The following DTNA variants were observed in gnomAD, a reference collection of about 807,000 sequenced individuals.
The protein encoded by DTNA is dystrobrevin alpha, also known as dystrophin-related protein 3.
DTNA carries 43 observed loss-of-function variants against 100.7 expected under a neutral mutation model. That is an observed-to-expected ratio of 0.43 (90% CI 0.33 to 0.55). DTNA has a LOEUF of 0.55. DTNA is among the 20% of genes least tolerant of loss of function. The pLI, the probability that DTNA is intolerant of heterozygous loss-of-function variation, is 0.04. For synonymous variants in DTNA, 349 were observed against 347.9 expected, an observed-to-expected ratio of 1.00 and a Z score of -0.04; for missense variants, 798 against 953.9, an observed-to-expected ratio of 0.84 and a Z score of 2.15.
At chr18:34,783,699 A>G (rs549832060) in intron 3 of DTNA, among the ~76,000 whole-genome samples, 138 of 152,310 alleles carry the variant, frequency 9.1e-4, no homozygotes, top group African/African-American at 3.0e-3. Context: ...TCTGATTTCA[A>G]TGTTTGGTTA....
chr18:34,818,011 G>A, intron 7 of DTNA, 153 bp from the exon 8 acceptor site: 2 of 1,536,750 alleles, frequency 1.3e-6, no homozygotes, highest in Non-Finnish European at 1.7e-6. Flanking sequence ...TAAGATTCCA[G>A]GAATGAACTA....
At chr18:34,883,842 C>T (rs535099493) in intron 21 of DTNA, among the ~76,000 whole-genome samples, 3 of 152,286 alleles carry the variant, frequency 2.0e-5, no homozygotes, top group South Asian at 2.1e-4. Context: ...TTCAGTTTAA[C>T]GACCACATTT....
intron 9 of DTNA, among the ~76,000 whole-genome samples, chr18:34,826,201 GT>G (rs1307595268): frequency 6.6e-6 from 1 of 152,196 alleles, no homozygotes; most frequent in East Asian, 1.9e-4. Context: ...CTTGAAAAAA[GT>G]TTTGATGAAT....
chr18:34,609,474 C>T (rs1043405486), intron 1 of DTNA, among the ~76,000 whole-genome samples: 82 of 151,952 alleles, frequency 5.4e-4, no homozygotes, highest in African/African-American at 1.8e-3. Context: ...TCGATCTCCT[C>T]ATCTCGTGAT....
At chr18:34,770,579 G>A (rs903233857) in intron 3 of DTNA, among the ~76,000 whole-genome samples, 1 of 152,098 alleles carries the variant, frequency 6.6e-6, no homozygotes, top group Non-Finnish European at 1.5e-5. Flanking sequence ...TGTATGCTGA[G>A]AATAGTCAGT....
intron 1 of DTNA, among the ~76,000 whole-genome samples, chr18:34,704,481 A>T (rs2081866156): frequency 6.6e-6 from 1 of 152,210 alleles, no homozygotes; most frequent in Admixed American, 6.5e-5. Flanking sequence ...AACTCAGGGG[A>T]CACTGACTGG....
chr18:34,828,379 A>C (rs1408180926), intron 10 of DTNA, among the ~76,000 whole-genome samples: 2 of 152,204 alleles, frequency 1.3e-5, no homozygotes, highest in African/African-American at 4.8e-5. Context: ...ATACATGGAG[A>C]AGGCTCACGG....
At chr18:34,659,390 T>A (rs1212117636) in intron 1 of DTNA, among the ~76,000 whole-genome samples, 2 of 151,990 alleles carry the variant, frequency 1.3e-5, no homozygotes, top group Non-Finnish European at 2.9e-5. Flanking sequence ...ATTTTACACT[T>A]CCAACACATC....
chr18:34,524,381 A>G (rs770999689), intron 1 of DTNA, among the ~76,000 whole-genome samples: 5 of 152,142 alleles, frequency 3.3e-5, no homozygotes, highest in Non-Finnish European at 5.9e-5. Flanking sequence ...ATTGCTATTT[A>G]TATTTACCGT....
At chr18:34,763,324 A>G (rs975333652) in intron 2 of DTNA, among the ~76,000 whole-genome samples, 4 of 152,178 alleles carry the variant, frequency 2.6e-5, no homozygotes, top group African/African-American at 9.7e-5. Flanking sequence ...CCCACGAGTC[A>G]CATTTACAGA....
rs114001508 is a variant in DTNA at position 34,544,820 on chromosome 18, A to G, written c.-2+51306A>G. ...GCTGGTTTCTCGGTGTTGAGGAGGA[A>G]GCCTGGAGACTTGCAATGGGTAAAA... is the stretch of plus-strand genomic sequence containing the variant. On this transcript the variant is annotated intron_variant, in intron 1 of 19. Coordinates refer to the DTNA transcript ENST00000283365. 3.3e-3 allele frequency among the ~76,000 whole-genome samples: 505 copies of G among 151,798 alleles called. 6 individuals are homozygous for G. The highest frequency in any genetic ancestry group is 0.011 in the African/African-American group (475 of 41,384).
chr18:34,687,237 G>T (rs1433474827), intron 1 of DTNA, among the ~76,000 whole-genome samples: 1 of 152,078 alleles, frequency 6.6e-6, no homozygotes. Flanking sequence ...TGATGTTAAG[G>T]TGTCAATTTT....
At chr18:34,598,711 A>G (rs2051148721) in intron 1 of DTNA, among the ~76,000 whole-genome samples, 1 of 152,052 alleles carries the variant, frequency 6.6e-6, no homozygotes, top group African/African-American at 2.4e-5. Context: ...AAAATACAAA[A>G]AAAAATTAGC....
At chr18:34,626,066 A>G (rs1194118901) in intron 1 of DTNA, among the ~76,000 whole-genome samples, 1 of 152,220 alleles carries the variant, frequency 6.6e-6, no homozygotes. Flanking sequence ...CGTGAAAGCA[A>G]CTAGAAAGAT....
chr18:34,505,058 T>G (rs1454926573), intron 1 of DTNA, among the ~76,000 whole-genome samples: 1 of 152,242 alleles, frequency 6.6e-6, no homozygotes, highest in East Asian at 1.9e-4. Flanking sequence ...GAAGTGCACA[T>G]GTACTTTCTT....
chr18:34,626,250 ATAAG>A (rs1419412909), intron 1 of DTNA, among the ~76,000 whole-genome samples: 1 of 152,216 alleles, frequency 6.6e-6, no homozygotes, highest in Admixed American at 6.5e-5. Context: ...GTAAAATCTT[ATAAG>A]TAAGACTCAG....
chr18:34,614,328 TC>T (rs2054814614), intron 1 of DTNA, among the ~76,000 whole-genome samples: 2 of 152,168 alleles, frequency 1.3e-5, no homozygotes, highest in Non-Finnish European at 1.5e-5. Context: ...TTTTCATGCT[TC>T]CCAAGACAAC....
intron 1 of DTNA, among the ~76,000 whole-genome samples, chr18:34,513,050 G>C (rs1030037588): frequency 4.6e-5 from 7 of 152,028 alleles, no homozygotes; most frequent in African/African-American, 1.7e-4. Flanking sequence ...TAGGATTGAT[G>C]GTAAACCTAA....
intron 13 of DTNA, among the ~76,000 whole-genome samples, chr18:34,841,733 T>A (rs752934371): frequency 3.3e-5 from 5 of 152,184 alleles, no homozygotes; most frequent in Non-Finnish European, 5.9e-5. Flanking sequence ...ACAGGTCTTA[T>A]GACACTGGTT....
Sources: gnomAD v4.1 joint callset for allele counts (sites outside exome capture counted in the v4.1 genomes callset) on GRCh38, gnomAD v4.1.1 for gene constraint, MANE v1.5 for transcripts, NCBI Gene and HGNC (gene_info 2026-07-23, HGNC 2026-07-21) for gene names.